The following VAMP7 variants were observed in gnomAD, a reference collection of about 807,000 sequenced individuals.
VAMP7 encodes the protein vesicle-associated membrane protein 7.
VAMP7 carries 14 observed loss-of-function variants against 29.6 expected under a neutral mutation model. That is an observed-to-expected ratio of 0.47 (90% CI 0.31 to 0.74). The LOEUF (loss-of-function observed/expected upper bound fraction) is 0.74, where lower values mean the gene tolerates loss of function less well. VAMP7 is among the 30% of genes least tolerant of loss of function. VAMP7 has a pLI of 0.05. For missense variants in VAMP7, 223 were observed against 262.4 expected (o/e 0.85, Z 1.04); for synonymous variants, 95 against 88.1 (o/e 1.08, Z -0.44).
At chrX:155,918,888 A>T (rs1238804185) in intron 5 of VAMP7, among the ~76,000 whole-genome samples, 1 of 152,014 alleles carries the variant, frequency 6.6e-6, no homozygotes, top group African/African-American at 2.4e-5. Flanking sequence ...ATGTTTATTG[A>T]TTTGCATGCA....
chrX:155,936,112 G>T (rs1375988498), intron 6 of VAMP7, among the ~76,000 whole-genome samples: 2 of 152,020 alleles, frequency 1.3e-5, no homozygotes, highest in Non-Finnish European at 2.9e-5. Context: ...TGCCTCTACT[G>T]GGGGGTACCT....
chrX:155,896,272 A>C (rs778617111), intron 3 of VAMP7, among the ~76,000 whole-genome samples: 1 of 152,320 alleles, frequency 6.6e-6, no homozygotes, highest in Non-Finnish European at 1.5e-5. Context: ...TCTATTTTGT[A>C]GTGAGAATTG....
intron 6 of VAMP7, among the ~76,000 whole-genome samples, chrX:155,937,061 A>G (rs964782705): frequency 6.6e-6 from 1 of 152,212 alleles, no homozygotes; most frequent in African/African-American, 2.4e-5. Flanking sequence ...CAGATTCAAC[A>G]CAATCCCTAT....
chrX:155,942,145 A>T lies in VAMP7; in HGVS notation c.*194A>T. ...CTACCAGTTTATTCCTGTGAACTTC[A>T]GATTGAACCATTCATTGCAGCAGTA... is the stretch of plus-strand genomic sequence containing the variant. On this transcript the variant is annotated 3_prime_UTR_variant, in exon 8 of 8. Transcript: ENST00000286448. The T allele has an allele frequency of 1.9e-6, 3 of 1,551,056 alleles. No individual in the cohort carries two copies. The highest frequency in any genetic ancestry group is 2.6e-6 in the Non-Finnish European group (3 of 1,146,518).
At chrX:155,901,645 T>G (rs982823301) in intron 5 of VAMP7, among the ~76,000 whole-genome samples, 101 of 152,278 alleles carry the variant, frequency 6.6e-4, no homozygotes, top group Middle Eastern at 3.4e-3. Context: ...TCCCCATTGC[T>G]TGTTTTTCTT....
chrX:155,910,923 A>G (rs1211902933), intron 5 of VAMP7, among the ~76,000 whole-genome samples: 7 of 152,156 alleles, frequency 4.6e-5, no homozygotes, highest in Non-Finnish European at 1.0e-4. Context: ...TTTGCTGTGC[A>G]AAAGCTTTTT....
At chrX:155,929,792 C>T (rs1299301239) in intron 6 of VAMP7, among the ~76,000 whole-genome samples, 1 of 152,064 alleles carries the variant, frequency 6.6e-6, no homozygotes, top group Admixed American at 6.6e-5. Flanking sequence ...TCAGTCAAGC[C>T]ATCCACTCAC....
intron 6 of VAMP7, among the ~76,000 whole-genome samples, chrX:155,920,584 G>T (rs2066381225): frequency 6.6e-6 from 1 of 152,180 alleles, no homozygotes; most frequent in Non-Finnish European, 1.5e-5. Context: ...CTGACAGCTG[G>T]ATTGTAGTGG....
At chrX:155,925,113 G>A (rs1029593385) in intron 6 of VAMP7, among the ~76,000 whole-genome samples, 8 of 152,118 alleles carry the variant, frequency 5.3e-5, no homozygotes, top group African/African-American at 1.9e-4. Flanking sequence ...TACCACATCT[G>A]CAGTTACTCA....
Position 155,889,601 on chromosome X carries a change from C to T in VAMP7, c.135C>T (p.Tyr45=), listed in dbSNP as rs754267764. The change falls in exon 2 of 8, where the codon TAC becomes TAT. Residue 45 remains tyrosine, a synonymous_variant. Transcript: ENST00000286448. ...CTTCTGAAAATAACAAACTAACGTACTCACATGGCAAGTGAGTTCTGTTCT... is the reference window on the plus strand; with the variant it reads ...CTTCTGAAAATAACAAACTAACGTATTCACATGGCAAGTGAGTTCTGTTCT... The part of the protein sequence containing the change: ...KIPSENNKLT[Y]SHGNYLFHYI... 1.9e-6 allele frequency: 3 copies of T among 1,613,886 alleles called. No homozygotes were observed. Among genetic ancestry groups the T allele is most frequent in the Admixed American group, 1.7e-5 (1 of 60,010 alleles).
chrX:155,882,489 A>G (rs1233926788), intron 1 of VAMP7, among the ~76,000 whole-genome samples: 1 of 152,198 alleles, frequency 6.6e-6, no homozygotes, highest in Non-Finnish European at 1.5e-5. Context: ...TTGATCTGTA[A>G]CATGACTTTT....
At chrX:155,932,345 G>A (rs2066572889) in intron 6 of VAMP7, among the ~76,000 whole-genome samples, 1 of 152,150 alleles carries the variant, frequency 6.6e-6, no homozygotes, top group Admixed American at 6.5e-5. Context: ...CATGAGCATG[G>A]AATGTTCTTC....
intron 5 of VAMP7, among the ~76,000 whole-genome samples, chrX:155,905,696 C>A (rs1365045638): frequency 6.6e-6 from 1 of 152,092 alleles, no homozygotes; most frequent in African/African-American, 2.4e-5. Flanking sequence ...GCATTCTTAT[C>A]AAAAATTAGT....
intron 3 of VAMP7, among the ~76,000 whole-genome samples, chrX:155,897,410 G>GA (rs1183235129): frequency 6.6e-6 from 1 of 151,882 alleles, no homozygotes; most frequent in Non-Finnish European, 1.5e-5. Flanking sequence ...CCAAAAGTAC[G>GA]AAAAAATCTA....
chrX:155,914,682 T>G (rs1602971793), intron 5 of VAMP7, among the ~76,000 whole-genome samples: 1 of 152,290 alleles, frequency 6.6e-6, no homozygotes, highest in East Asian at 1.9e-4. Flanking sequence ...TTGCGTATGT[T>G]GAACCAGTCT....
At position 155,942,119 on chromosome X, in the gene VAMP7, T is replaced by C; in HGVS notation, c.*168T>C. The C allele has an allele frequency of 6.4e-7, 1 of 1,552,400 alleles. No individual in the cohort carries two copies. The highest frequency in any genetic ancestry group is 8.7e-7 in the Non-Finnish European group (1 of 1,147,180). ...TGCCTCCAGGTTTATCTTTGTCTTA[T>C]CTACCAGTTTATTCCTGTGAACTTC... On this transcript the variant is annotated 3_prime_UTR_variant, in exon 8 of 8. Coordinates refer to ENST00000286448, the MANE Select transcript of VAMP7 (RefSeq NM_005638.6).
intron 6 of VAMP7, among the ~76,000 whole-genome samples, chrX:155,935,372 C>T (rs1476203682): frequency 6.6e-6 from 1 of 152,118 alleles, no homozygotes; most frequent in African/African-American, 2.4e-5. Flanking sequence ...CACATAGTCC[C>T]ATATTTCTTG....
intron 5 of VAMP7, among the ~76,000 whole-genome samples, chrX:155,911,246 A>G (rs892402574): frequency 2.6e-5 from 4 of 152,098 alleles, no homozygotes; most frequent in South Asian, 2.1e-4. Flanking sequence ...AGTTGCCTAT[A>G]TATGTGTGGC....
intron 3 of VAMP7, 122 bp downstream of exon 3, chrX:155,895,802 G>C: frequency 1.4e-6 from 1 of 702,370 alleles, no homozygotes; most frequent in South Asian, 2.1e-5. Context: ...TCTGTGGCTT[G>C]TTAGGAACCA....
Sources: gnomAD v4.1 joint callset for allele counts (sites outside exome capture counted in the v4.1 genomes callset) on GRCh38, gnomAD v4.1.1 for gene constraint, MANE v1.5 for transcripts, NCBI Gene and HGNC (gene_info 2026-07-23, HGNC 2026-07-21) for gene names.